DLEC1: variants seen among roughly 807,000 people sequenced by gnomAD.
DLEC1 encodes DLEC1 cilia and flagella associated protein, also known as deleted in lung and esophageal cancer protein 1.
In DLEC1, 146 loss-of-function variants were observed where a neutral mutation model predicts 198.1. That is an observed-to-expected ratio of 0.74 (90% CI 0.64 to 0.85). The LOEUF is 0.85. DLEC1 is among the 40% of genes least tolerant of loss of function. The pLI is 0.00. For synonymous variants in DLEC1, 897 were observed against 866.8 expected (o/e 1.03, Z -0.61); for missense variants, 2,233 against 2,220.0 (o/e 1.01, Z -0.12).
intron 6 of DLEC1, among the ~76,000 whole-genome samples, chr3:38,065,359 CT>C (rs1209717804): frequency 1.4e-5 from 2 of 146,382 alleles, no homozygotes; most frequent in Non-Finnish European, 3.0e-5. Context: ...GAGAGGGAGA[CT>C]GTGCAGAGGG....
chr3:38,092,937 G>A, intron 11 of DLEC1, 57 bp downstream of exon 11: 1 of 1,533,932 alleles, frequency 6.5e-7, no homozygotes, highest in South Asian at 1.1e-5. Context: ...AGCTCCAGGG[G>A]CCACTGACCA....
rs1575215268 is a variant in DLEC1, at chr3:38,107,610, A to T, written c.2891A>T (p.Gln964Leu). 6.2e-7 allele frequency: 1 copy of T among 1,613,160 alleles called. No homozygotes were observed. Among genetic ancestry groups the T allele is most frequent in the Non-Finnish European group, 8.5e-7 (1 of 1,179,500 alleles). Residue 964 changes from glutamine (Q) to leucine (L), a missense_variant, in exon 20 of 37, where the codon CAG becomes CTG. Gln to Leu is a moderately radical substitution (Grantham distance 113). Coordinates refer to ENST00000308059, the MANE Select transcript of DLEC1 (RefSeq NM_007335.4). ...WSYLPVYAEVQKPHVYLQSSQ... is the reference protein window; with the variant it reads ...WSYLPVYAEVLKPHVYLQSSQ... The stretch of plus-strand genomic sequence containing the variant: ...TACCTTCCTGTGTATGCTGAGGTAC[A>T]GAAGCCCCATGTGTACCTACAGAGC...
At chr3:38,041,847 C>CAAA (rs751455053) in intron 1 of DLEC1, among the ~76,000 whole-genome samples, 3 of 71,666 alleles carry the variant, frequency 4.2e-5, no homozygotes, top group African/African-American at 1.5e-4. Flanking sequence ...GACTCCGTTT[C>CAAA]AAAAAAAAAA....
In DLEC1 at chr3:38,122,065, G is replaced by C. The variant is rs748194221; in HGVS notation, c.5021-6G>C. ...ACTCATGTGTCTTCCCTTCCCTTTGGTGCAGGCCAGCAGGAGCCAGCCAAG... is the reference window on the plus strand; with the variant it reads ...ACTCATGTGTCTTCCCTTCCCTTTGCTGCAGGCCAGCAGGAGCCAGCCAAG... On this transcript the variant is annotated splice_region_variant and splice_polypyrimidine_tract_variant and intron_variant, in intron 35 of 36. Transcript: ENST00000308059. 6.8e-6 allele frequency: 11 copies of C among 1,613,652 alleles called. No individual in the cohort carries two copies. The Admixed American group carries it at 1.8e-4, about 27-fold the overall frequency.
In DLEC1 at chr3:38,059,784, G is replaced by T. The variant is rs182898193; in HGVS notation, c.605G>T (p.Arg202Leu). Reference sequence around the variant, plus strand: ...TGGTGTATAGACAGCGAGTTGCTACGGAAACATCATTTGATCTCCCCAGAA... The same window carrying T: ...TGGTGTATAGACAGCGAGTTGCTACTGAAACATCATTTGATCTCCCCAGAA... ...SRWCIDSELL[R>L]KHHLISPEDY... The change falls in exon 3 of 37, where the codon CGG (arginine) becomes CTG (leucine). Residue 202 changes from arginine (R) to leucine (L), a missense_variant. By Grantham distance (102) the Arg-to-Leu change is moderately radical. Transcript: ENST00000308059. 9 of 1,613,996 alleles carry T rather than the reference G, an allele frequency of 5.6e-6. No homozygotes were observed.
chr3:38,112,074 GAGGGCACATGT>G lies in DLEC1; in HGVS notation c.3515-133_3515-123del. On this transcript the variant is annotated intron_variant, in intron 24 of 36. Coordinates refer to ENST00000308059, the MANE Select transcript of DLEC1 (RefSeq NM_007335.4). The surrounding 1 kb of genome is among the most constrained non-coding windows in gnomAD (Gnocchi z 4.8). ...CCTCTGGATTCCAGGCTCCCAGGAG[GAGGGCACATGT>G]AGCCTGACCAAGGAGAGGCTGGAGG... 7.3e-7 allele frequency: 1 copy of G among 1,367,044 alleles called. No homozygotes were observed. The highest frequency in any genetic ancestry group is 1.0e-6 in the Non-Finnish European group (1 of 987,174). 84.7% of individuals were successfully genotyped at this position (1,367,044 alleles called of 1,614,324 possible).
At chr3:38,070,659 C>G in intron 6 of DLEC1, among the ~76,000 whole-genome samples, 1 of 152,038 alleles carries the variant, frequency 6.6e-6, no homozygotes, top group East Asian at 1.9e-4. Context: ...AAATTGCAGT[C>G]AAAGGGGGTT....
At position 38,093,697 on chromosome 3, in the gene DLEC1, C is replaced by G. The variant is rs1348178568; in HGVS notation, c.1849C>G (p.His617Asp). The change falls in exon 12 of 37, where the codon CAC becomes GAC. Residue 617 changes from histidine to aspartate, a missense_variant. Transcript: ENST00000308059. ...AGAGCTCACAGACTTAACAGCCCAG[C>G]ACTTCATACGATTTGAGCCTGAAAA... ...PGELTDLTAQ[H>D]FIRFEPENLR... 1 of 1,614,244 alleles carries G rather than the reference C, an allele frequency of 6.2e-7. No homozygotes were observed. The highest frequency in any genetic ancestry group is 1.1e-5 in the South Asian group (1 of 91,090).
chr3:38,092,970 C>T, intron 11 of DLEC1, 90 bp downstream of exon 11: 1 of 1,225,906 alleles, frequency 8.2e-7, no homozygotes, highest in Non-Finnish European at 1.2e-6. Context: ...CGGCAGCCCA[C>T]CTGTTTCCTG....
chr3:38,072,113 CAG>C (rs966254433), intron 6 of DLEC1, among the ~76,000 whole-genome samples: 1 of 152,024 alleles, frequency 6.6e-6, no homozygotes, highest in African/African-American at 2.4e-5. Flanking sequence ...TCAGGTGGAT[CAG>C]AGAGATGCAG....
rs778070160 is a variant in DLEC1 at position 38,039,358 on chromosome 3, T to A, written c.133T>A (p.Leu45Met). The A allele has an allele frequency of 1.7e-5, 28 of 1,614,098 alleles. No homozygotes were observed. The highest frequency in any genetic ancestry group is 1.9e-5 in the Non-Finnish European group (23 of 1,180,034). ...CAGCCAGCCCACCTGGAAGTCCTCC[T>A]TGTATTCCTCCCTCGCCTACTCTGA... The part of the protein sequence containing the change: ...SPSQPTWKSS[L>M]YSSLAYSEAF... Residue 45 changes from leucine to methionine, a missense_variant, in exon 1 of 37, where the codon TTG becomes ATG. Physicochemically the swap from Leu to Met is conservative, Grantham distance 15. Coordinates refer to ENST00000308059, the MANE Select transcript of DLEC1 (RefSeq NM_007335.4).
Position 38,122,877 on chromosome 3 carries a change from A to G in DLEC1, c.*465A>G, listed in dbSNP as rs1458380999. 7 of 796,786 alleles carry G rather than the reference A, an allele frequency of 8.8e-6. No individual in the cohort carries two copies. The highest frequency in any genetic ancestry group is 1.4e-5 in the Non-Finnish European group (7 of 504,560). 49.4% of individuals were successfully genotyped at this position (796,786 alleles called of 1,614,324 possible). ...GGCTCAACACCCCACCCACTCCTAT[A>G]CCATGTCATCAGTGTTCACATTTTC... is the stretch of plus-strand genomic sequence containing the variant. On this transcript the variant is annotated 3_prime_UTR_variant, in exon 37 of 37. Transcript: ENST00000308059.
rs779857875 is a variant in DLEC1, at chr3:38,045,621, A to G, written c.490A>G (p.Ile164Val). Reference sequence around the variant, plus strand: ...TATCACTCAGGCCCAAGCACGGGCTATTGCGGAAAATGAGCGGGTCATGAG... The same window carrying G: ...TATCACTCAGGCCCAAGCACGGGCTGTTGCGGAAAATGAGCGGGTCATGAG... ...RHITQAQARAIAENERVMSQA... is the reference protein window; with the variant it reads ...RHITQAQARAVAENERVMSQA... The change falls in exon 2 of 37, where the codon ATT (isoleucine) becomes GTT (valine). Residue 164 changes from isoleucine (I) to valine (V), a missense_variant. By Grantham distance (29) the Ile-to-Val change is conservative. Coordinates refer to ENST00000308059, the MANE Select transcript of DLEC1 (RefSeq NM_007335.4). 10 of 1,614,046 alleles carry G rather than the reference A, an allele frequency of 6.2e-6. No homozygotes were observed. Among genetic ancestry groups the G allele is most frequent in the South Asian group, 2.2e-5 (2 of 91,086 alleles).
intron 20 of DLEC1, 114 bp downstream of exon 20, chr3:38,107,851 C>A: frequency 8.3e-7 from 1 of 1,201,082 alleles, no homozygotes. Flanking sequence ...CTCAGCCTCC[C>A]TCCCACAGCC....
intron 6 of DLEC1, among the ~76,000 whole-genome samples, chr3:38,069,919 T>G (rs750747248): frequency 6.6e-6 from 1 of 152,210 alleles, no homozygotes; most frequent in Non-Finnish European, 1.5e-5. Flanking sequence ...TTCATATTTA[T>G]GTCAATTTTT....
At chr3:38,114,545 G>A (rs1700052267) in intron 26 of DLEC1, 85 bp downstream of exon 26, 3 of 1,375,710 alleles carry the variant, frequency 2.2e-6, no homozygotes, top group Non-Finnish European at 3.1e-6. Context: ...ACGTTGGCTT[G>A]TTATTCTCCA....
chr3:38,085,269 C>A lies in DLEC1; in HGVS notation c.1262-5C>A. On this transcript the variant is annotated splice_polypyrimidine_tract_variant and splice_region_variant and intron_variant, in intron 7 of 36. Transcript: ENST00000308059. ...ATCCTCACTTGTCACTTTTGTCATG[C>A]ACAGGGATGTTCCCAGGAAAAGGTG... 6.2e-7 allele frequency: 1 copy of A among 1,614,092 alleles called. No homozygotes were observed. The highest frequency in any genetic ancestry group is 8.5e-7 in the Non-Finnish European group (1 of 1,179,988).
chr3:38,105,599 G>A (rs1341538848), intron 19 of DLEC1, among the ~76,000 whole-genome samples: 1 of 151,628 alleles, frequency 6.6e-6, no homozygotes, highest in Non-Finnish European at 1.5e-5. Flanking sequence ...CTCTCTTTTG[G>A]GTACTGTTTG....
Position 38,117,020 on chromosome 3 carries a change from C to G in DLEC1, c.4225C>G (p.Pro1409Ala). The change falls in exon 30 of 37, where the codon CCT (proline) becomes GCT (alanine). Residue 1409 changes from proline to alanine, a missense_variant. Transcript: ENST00000308059. ...CAGTACCATCTACATCTCCTTCACC[C>G]CTATGGTGCTCAGCCCTGAGATCCT... ...GSSTIYISFTPMVLSPEILHK... is the reference protein window; with the variant it reads ...GSSTIYISFTAMVLSPEILHK... 1 of 1,614,030 alleles carries G rather than the reference C, an allele frequency of 6.2e-7. No homozygotes were observed. Among genetic ancestry groups the G allele is most frequent in the South Asian group, 1.1e-5 (1 of 91,088 alleles).
Sources: allele counts gnomAD v4.1 joint callset (sites outside exome capture counted in the v4.1 genomes callset), GRCh38; gene constraint gnomAD v4.1.1; non-coding constraint Gnocchi (gnomAD v3.1); transcripts MANE v1.5; gene names NCBI Gene and HGNC (gene_info 2026-07-23, HGNC 2026-07-21).